GRM7: variants seen among roughly 807,000 people sequenced by gnomAD.
The protein encoded by GRM7 is metabotropic glutamate receptor 7.
A neutral mutation model predicts 84.5 loss-of-function variants in GRM7; 35 were observed. The observed-to-expected ratio is 0.41, with a 90% CI of 0.32 to 0.55. The LOEUF (loss-of-function observed/expected upper bound fraction) is 0.55, where lower values mean the gene tolerates loss of function less well. Ranked by LOEUF, GRM7 falls within the 20% of genes least tolerant of loss-of-function variation. GRM7 has a pLI of 0.19. For missense variants in GRM7, 1,003 were observed against 1,194.6 expected (o/e 0.84, Z 2.36); for synonymous variants, 487 against 455.1 (o/e 1.07, Z -0.89).
intron 1 of GRM7, among the ~76,000 whole-genome samples, chr3:6,950,469 G>T (rs571235834): frequency 1.3e-5 from 2 of 152,322 alleles, no homozygotes; most frequent in African/African-American, 4.8e-5. Flanking sequence ...CGCCCCTACT[G>T]GGGGGTGCCT....
chr3:7,401,100 C>A (rs1384552832), intron 4 of GRM7, among the ~76,000 whole-genome samples: 1 of 152,018 alleles, frequency 6.6e-6, no homozygotes, highest in African/African-American at 2.4e-5. Context: ...GGGCCTTTTG[C>A]TTTAATTAAT....
At chr3:7,423,313 G>A (rs1170305810) in intron 5 of GRM7, among the ~76,000 whole-genome samples, 3 of 152,150 alleles carry the variant, frequency 2.0e-5, no homozygotes, top group African/African-American at 7.2e-5. Context: ...TTTGAGCTGT[G>A]TGTCATTTCT....
intron 2 of GRM7, among the ~76,000 whole-genome samples, chr3:7,292,504 T>C (rs1299325639): frequency 6.6e-6 from 1 of 152,106 alleles, no homozygotes; most frequent in African/African-American, 2.4e-5. Flanking sequence ...GTTTTTCTCC[T>C]GACTCATGAG....
chr3:7,475,651 G>A (rs543334936), intron 7 of GRM7, among the ~76,000 whole-genome samples: 2 of 152,230 alleles, frequency 1.3e-5, no homozygotes, highest in African/African-American at 2.4e-5. Context: ...TGTCTATAAC[G>A]AGAGGAGGCT....
intron 1 of GRM7, among the ~76,000 whole-genome samples, chr3:6,972,019 T>A (rs1693777801): frequency 6.6e-6 from 1 of 152,202 alleles, no homozygotes; most frequent in Non-Finnish European, 1.5e-5. Flanking sequence ...ATAATGTATC[T>A]AACTTAATTT....
intron 1 of GRM7, among the ~76,000 whole-genome samples, chr3:7,108,510 C>G (rs71298410): frequency 1.6e-4 from 21 of 130,674 alleles, no homozygotes; most frequent in African/African-American, 5.9e-4. Context: ...TTTTTTTTTG[C>G]TGCTTTTCTC....
intron 4 of GRM7, among the ~76,000 whole-genome samples, chr3:7,401,366 C>A (rs1205298302): frequency 6.6e-6 from 1 of 152,050 alleles, no homozygotes; most frequent in Admixed American, 6.6e-5. Flanking sequence ...ACAGTGTTGA[C>A]CACGTTTTGT....
At chr3:7,490,073 T>C (rs566125451) in intron 7 of GRM7, among the ~76,000 whole-genome samples, 1 of 152,028 alleles carries the variant, frequency 6.6e-6, no homozygotes, top group Non-Finnish European at 1.5e-5. Context: ...ACTTATACAA[T>C]TATAACAGAA....
At chr3:7,354,363 TG>T (rs1343972567) in intron 4 of GRM7, among the ~76,000 whole-genome samples, 2 of 152,090 alleles carry the variant, frequency 1.3e-5, no homozygotes, top group Admixed American at 6.6e-5. Flanking sequence ...TGACTTACAA[TG>T]GGCCCATGGG....
At chr3:7,064,514 A>G (rs1410502603) in intron 1 of GRM7, among the ~76,000 whole-genome samples, 1 of 116,972 alleles carries the variant, frequency 8.5e-6, no homozygotes, top group Non-Finnish European at 1.8e-5. Flanking sequence ...ACATATATAT[A>G]TATACACACA....
intron 8 of GRM7, among the ~76,000 whole-genome samples, chr3:7,650,536 T>TA (rs1235206485): frequency 6.6e-6 from 1 of 152,244 alleles, no homozygotes; most frequent in Non-Finnish European, 1.5e-5. Context: ...TTTTTTAATT[T>TA]ACCTTGCAGA....
chr3:7,577,516 G>A (rs930504023), intron 7 of GRM7, among the ~76,000 whole-genome samples: 1 of 152,146 alleles, frequency 6.6e-6, no homozygotes, highest in Admixed American at 6.5e-5. Context: ...ATGCTGTGCT[G>A]GCAAAGAGGA....
At chr3:6,943,608 T>C (rs1697963486) in intron 1 of GRM7, among the ~76,000 whole-genome samples, 1 of 152,020 alleles carries the variant, frequency 6.6e-6, no homozygotes, top group Non-Finnish European at 1.5e-5. Context: ...TTATAACACA[T>C]ATTGAAGTTG....
chr3:7,377,734 A>C (rs1694414276), intron 4 of GRM7, among the ~76,000 whole-genome samples: 2 of 152,212 alleles, frequency 1.3e-5, no homozygotes, highest in African/African-American at 4.8e-5. Context: ...CCAATTCTTC[A>C]AGCAGCAACT....
intron 3 of GRM7, among the ~76,000 whole-genome samples, chr3:7,303,294 A>G (rs1700073384): frequency 6.6e-6 from 1 of 152,174 alleles, no homozygotes; most frequent in African/African-American, 2.4e-5. Flanking sequence ...AAATATGACT[A>G]AAGTACTTTT....
intron 1 of GRM7, among the ~76,000 whole-genome samples, chr3:6,911,585 T>C (rs1337850084): frequency 1.3e-5 from 2 of 152,108 alleles, no homozygotes; most frequent in Non-Finnish European, 2.9e-5. Flanking sequence ...CAGTAAATGT[T>C]TGTACTACAA....
At chr3:7,509,755 C>T (rs535949261) in intron 7 of GRM7, among the ~76,000 whole-genome samples, 4 of 151,848 alleles carry the variant, frequency 2.6e-5, no homozygotes, top group African/African-American at 9.7e-5. Context: ...ACGTGACAAG[C>T]GGGGCCAAGG....
intron 1 of GRM7, among the ~76,000 whole-genome samples, chr3:6,900,074 T>C (rs1574989686): frequency 6.6e-6 from 1 of 152,102 alleles, no homozygotes; most frequent in Non-Finnish European, 1.5e-5. Context: ...AGGTGAAAAG[T>C]AAGGAAATTA....
At chr3:7,185,864 C>G (rs917773093) in intron 2 of GRM7, among the ~76,000 whole-genome samples, 1 of 152,096 alleles carries the variant, frequency 6.6e-6, no homozygotes, top group Non-Finnish European at 1.5e-5. Context: ...CAAATCATGC[C>G]CAGGTTTAAA....
Sources: gnomAD v4.1 joint callset for allele counts (sites outside exome capture counted in the v4.1 genomes callset) on GRCh38, gnomAD v4.1.1 for gene constraint, MANE v1.5 for transcripts, NCBI Gene and HGNC (gene_info 2026-07-23, HGNC 2026-07-21) for gene names.